Variants in SMCO2 observed in about 807,000 individuals in gnomAD.
SMCO2 encodes the protein single-pass membrane protein with coiled-coil domains 2, also known as single-pass membrane and coiled-coil domain-containing protein 2.
SMCO2 carries 25 observed loss-of-function variants against 29.5 expected under a neutral mutation model. The observed-to-expected ratio is 0.85, with a 90% CI of 0.62 to 1.18. SMCO2 has a LOEUF of 1.18. SMCO2 is among the 50% of genes most tolerant of loss of function. The probability of loss-of-function intolerance (pLI) is 0.00; values close to 1 mark genes in which losing one functional copy is unlikely to be tolerated. For synonymous variants in SMCO2, 117 were observed against 123.3 expected (o/e 0.95, Z 0.34); for missense variants, 348 against 344.5 (o/e 1.01, Z -0.08).
chr12:27,450,352 C>A, the SMCO2 span, among the ~76,000 whole-genome samples: 1 of 149,142 alleles, frequency 6.7e-6, no homozygotes, highest in African/African-American at 2.4e-5. Flanking sequence ...CACCATGTGA[C>A]CTCGCCTGTT....
the SMCO2 span, among the ~76,000 whole-genome samples, chr12:27,440,633 T>C: frequency 7.0e-6 from 1 of 142,598 alleles, no homozygotes; most frequent in Non-Finnish European, 1.5e-5. Context: ...AGTTAAAGTG[T>C]GGAATTTTCT....
At chr12:27,434,547 T>C in the SMCO2 span, among the ~76,000 whole-genome samples, 1 of 152,312 alleles carries the variant, frequency 6.6e-6, no homozygotes, top group Non-Finnish European at 1.5e-5. Context: ...AAGTTGTCTA[T>C]GTATCTTTAG....
In SMCO2 at chr12:27,501,700, T is replaced by C. The variant is rs894390739; in HGVS notation, c.684-223T>C. Among the ~76,000 whole-genome samples the C allele has an allele frequency of 1.6e-4, 24 of 150,566 alleles. 2 individuals carry two copies. The highest frequency in any genetic ancestry group is 6.0e-4 in the African/African-American group (24 of 40,222). ...AGAACCCCACACTATCCAGGGATTT[T>C]ATTGTTTCATGGCTATAGGATCTTG... On this transcript the variant is annotated intron_variant, in intron 7 of 7. Transcript: ENST00000298876.
At chr12:27,488,520 T>C (rs1390865227) in exon 5 of SMCO2, 13 of 1,540,314 alleles carry the variant, frequency 8.4e-6, no homozygotes, top group Non-Finnish European at 1.1e-5. Flanking sequence ...ACCGGGGCCT[T>C]GACCTTGATC....
chr12:27,461,433 C>T, the SMCO2 span, among the ~76,000 whole-genome samples: 565 of 152,174 alleles, frequency 3.7e-3, no homozygotes, highest in Middle Eastern at 6.8e-3. Flanking sequence ...TAGTCCCCAG[C>T]GTCTGTTGTT....
chr12:27,432,362 A>G, the SMCO2 span, among the ~76,000 whole-genome samples: 1 of 152,228 alleles, frequency 6.6e-6, no homozygotes, highest in Non-Finnish European at 1.5e-5. Context: ...TATTTTGGAA[A>G]AAAAATACAT....
the SMCO2 span, among the ~76,000 whole-genome samples, chr12:27,429,719 A>T: frequency 6.6e-6 from 1 of 152,194 alleles, no homozygotes; most frequent in African/African-American, 2.4e-5. Flanking sequence ...TATGACAGCT[A>T]ACATCCCTTC....
upstream of SMCO2, among the ~76,000 whole-genome samples, chr12:27,461,989 G>A (rs1949462299): frequency 6.6e-6 from 1 of 152,192 alleles, no homozygotes. Context: ...AACTATTGTT[G>A]TTATTTATCT....
At chr12:27,498,168 C>T (rs1213485696) in intron 7 of SMCO2, 28 of 353,408 alleles carry the variant, frequency 7.9e-5, no homozygotes, top group Non-Finnish European at 1.2e-4. Flanking sequence ...AACATCTTCT[C>T]GTTTGACAAA....
rs770789669 is a variant in SMCO2 at position 27,477,210 on chromosome 12, G to GTT, written c.362+2321_362+2322dup. Among the ~76,000 whole-genome samples the GTT allele has an allele frequency of 5.0e-3, 313 of 62,534 alleles. 4 individuals are homozygous for GTT. Among genetic ancestry groups the GTT allele is most frequent in the African/African-American group, 0.011 (108 of 9,754 alleles). The allele number at this position is 62,534 out of a possible 152,430, so 41.0% of individuals were successfully genotyped here. On this transcript the variant is annotated intron_variant, in intron 4 of 7. Coordinates refer to ENST00000298876, the Ensembl canonical transcript of SMCO2. ...TGGGTATAGTATTCTTGGCTGTCAG[G>GTT]TTTTTTTTTTTTTTTTTTTTTTTTT...
At chr12:27,501,562 G>A (rs1242728722) in intron 7 of SMCO2, among the ~76,000 whole-genome samples, 1 of 150,428 alleles carries the variant, frequency 6.6e-6, no homozygotes, top group Non-Finnish European at 1.5e-5. Flanking sequence ...GTGTCCTGGG[G>A]AAAATCTAAC....
chr12:27,496,490 C>T (rs1943004813), intron 7 of SMCO2, among the ~76,000 whole-genome samples: 2 of 150,522 alleles, frequency 1.3e-5, no homozygotes, highest in Non-Finnish European at 2.9e-5. Flanking sequence ...ATGTTCTTTT[C>T]ATAAGAAATT....
the SMCO2 span, among the ~76,000 whole-genome samples, chr12:27,457,956 A>T: frequency 6.6e-6 from 1 of 152,222 alleles, no homozygotes; most frequent in Non-Finnish European, 1.5e-5. Context: ...CAGCAGAAAG[A>T]TTAAAATTTT....
At chr12:27,472,337 C>T (rs1018424046) in intron 2 of SMCO2, among the ~76,000 whole-genome samples, 1 of 152,068 alleles carries the variant, frequency 6.6e-6, no homozygotes. Context: ...AATAAAGAAG[C>T]TAGTAAACAT....
chr12:27,483,657 T>G (rs897346384), intron 4 of SMCO2, among the ~76,000 whole-genome samples: 2 of 152,198 alleles, frequency 1.3e-5, no homozygotes, highest in African/African-American at 4.8e-5. Flanking sequence ...ACTCCTGGCC[T>G]CAAGCAATCC....
At chr12:27,435,873 C>T in the SMCO2 span, among the ~76,000 whole-genome samples, 3,067 of 152,296 alleles carry the variant, frequency 0.02, 111 homozygotes, top group African/African-American at 0.07. Flanking sequence ...TCACCCACTT[C>T]TATCTTTTCC....
chr12:27,444,649 T>C, the SMCO2 span, among the ~76,000 whole-genome samples: 1 of 152,128 alleles, frequency 6.6e-6, no homozygotes, highest in Admixed American at 6.5e-5. Context: ...ATCTGTCACC[T>C]CAGTTAAAAT....
the SMCO2 span, among the ~76,000 whole-genome samples, chr12:27,443,213 T>C: frequency 6.6e-6 from 1 of 152,238 alleles, no homozygotes; most frequent in African/African-American, 2.4e-5. Flanking sequence ...TTTCAACATA[T>C]GCAAATCAAT....
the SMCO2 span, among the ~76,000 whole-genome samples, chr12:27,455,457 T>C: frequency 6.6e-6 from 1 of 152,204 alleles, no homozygotes; most frequent in Non-Finnish European, 1.5e-5. Flanking sequence ...GCTTTTAGTA[T>C]AAAATCACAA....
Sources: allele counts gnomAD v4.1 joint callset (sites outside exome capture counted in the v4.1 genomes callset), GRCh38; gene constraint gnomAD v4.1.1; transcripts MANE v1.5; gene names NCBI Gene and HGNC (gene_info 2026-07-23, HGNC 2026-07-21).